The following RBFOX3 variants were observed in gnomAD, a reference collection of about 807,000 sequenced individuals.
The protein encoded by RBFOX3 is RNA binding protein fox-1 homolog 3.
RBFOX3 carries 17 observed loss-of-function variants against 48.7 expected under a neutral mutation model. The ratio of observed to expected loss-of-function variants is 0.35; its 90% CI spans 0.24 to 0.52. The LOEUF is 0.52. Among genes scored for constraint, RBFOX3 ranks in the 20% least tolerant of loss-of-function variants. RBFOX3 has a pLI of 0.94. For synonymous variants in RBFOX3, 212 were observed against 209.5 expected (o/e 1.01, Z -0.10); for missense variants, 382 against 497.5 (o/e 0.77, Z 2.21).
intron 3 of RBFOX3, among the ~76,000 whole-genome samples, chr17:79,287,502 C>T (rs1449671597): frequency 6.6e-6 from 1 of 152,200 alleles, no homozygotes; most frequent in African/African-American, 2.4e-5. Context: ...TGCTGCTGTC[C>T]AGGAGCTCCA....
At chr17:79,596,833 T>G (rs1374024094) in intron 1 of RBFOX3, among the ~76,000 whole-genome samples, 1 of 152,208 alleles carries the variant, frequency 6.6e-6, no homozygotes, top group Non-Finnish European at 1.5e-5. Context: ...GGAGGCTTTG[T>G]GGATGCTTCT....
intron 4 of RBFOX3, among the ~76,000 whole-genome samples, chr17:79,152,996 C>A (rs531180209): frequency 6.6e-6 from 1 of 152,318 alleles, no homozygotes; most frequent in East Asian, 1.9e-4. Flanking sequence ...GGCCCGCTGT[C>A]CAGATACCCC....
chr17:79,332,582 T>C (rs951564454), intron 2 of RBFOX3, among the ~76,000 whole-genome samples: 8 of 119,326 alleles, frequency 6.7e-5, no homozygotes, highest in African/African-American at 2.3e-4. Flanking sequence ...GACAGAAACA[T>C]AGAACCAGAG....
At chr17:79,318,670 C>T (rs8081193) in intron 2 of RBFOX3, among the ~76,000 whole-genome samples, 116,454 of 151,566 alleles carry the variant, frequency 0.77, 45,364 homozygotes, top group East Asian at 0.93. Flanking sequence ...CTGGCTAACA[C>T]GGCGAAACCC....
intron 2 of RBFOX3, among the ~76,000 whole-genome samples, chr17:79,441,780 G>A (rs2070968761): frequency 6.6e-6 from 1 of 152,178 alleles, no homozygotes; most frequent in African/African-American, 2.4e-5. Flanking sequence ...TGGGTCTTGG[G>A]TGGGAACACA....
intron 1 of RBFOX3, chr17:79,598,349 C>T (rs1246542575): frequency 6.6e-6 from 1 of 151,820 alleles, no homozygotes; most frequent in Non-Finnish European, 1.5e-5. Flanking sequence ...CATGCACACA[C>T]ATACATGCAC....
At chr17:79,277,299 G>GT (rs1259946059) in intron 3 of RBFOX3, among the ~76,000 whole-genome samples, 2 of 79,368 alleles carry the variant, frequency 2.5e-5, no homozygotes, top group Non-Finnish European at 5.2e-5. Context: ...TTCCAATGGT[G>GT]GGGAGGGGGG....
rs1404499649 is a variant in RBFOX3 at position 79,313,299 on chromosome 17, C to A, written c.-174-5475G>T. ...CTCCAGGGGCTTTCTTAGTGAAGTGCCAAAGATGGGATGGATGTCCTCACA... is the reference window on the plus strand; with the variant it reads ...CTCCAGGGGCTTTCTTAGTGAAGTGACAAAGATGGGATGGATGTCCTCACA... On this transcript the variant is annotated intron_variant, in intron 2 of 14. Coordinates refer to ENST00000693108, the MANE Select transcript of RBFOX3 (RefSeq NM_001350451.2). Among the ~76,000 whole-genome samples, 33 of 152,270 alleles carry A rather than the reference C, an allele frequency of 2.2e-4. 1 individual carries two copies. Among genetic ancestry groups the A allele is most frequent in the Middle Eastern group, 3.4e-3 (1 of 294 alleles).
At chr17:79,647,659 G>A in the RBFOX3 span, among the ~76,000 whole-genome samples, 1 of 152,140 alleles carries the variant, frequency 6.6e-6, no homozygotes, top group African/African-American at 2.4e-5. Flanking sequence ...GCCACACAGA[G>A]CACCCCAGCC....
intron 4 of RBFOX3, among the ~76,000 whole-genome samples, chr17:79,219,685 C>G (rs752569778): frequency 6.6e-6 from 1 of 152,130 alleles, no homozygotes; most frequent in Non-Finnish European, 1.5e-5. Context: ...GCAAGCTGCT[C>G]GTGTCTGGGC....
chr17:79,349,205 C>T (rs1004830194), intron 2 of RBFOX3, among the ~76,000 whole-genome samples: 1 of 152,026 alleles, frequency 6.6e-6, no homozygotes, highest in Non-Finnish European at 1.5e-5. Context: ...CACCGAGCAG[C>T]CAGACCTATC....
chr17:79,317,706 C>G (rs555452561), intron 2 of RBFOX3, among the ~76,000 whole-genome samples: 2 of 152,250 alleles, frequency 1.3e-5, no homozygotes, highest in South Asian at 4.1e-4. Flanking sequence ...AGCTGCTTTC[C>G]AGGTAACTAG....
intron 1 of RBFOX3, among the ~76,000 whole-genome samples, chr17:79,534,038 T>C (rs1555788110): frequency 6.6e-6 from 1 of 152,222 alleles, no homozygotes; most frequent in African/African-American, 2.4e-5. Context: ...CAACAGCATT[T>C]TTAAATGGCT....
chr17:79,522,787 A>G (rs2086282108), intron 1 of RBFOX3, among the ~76,000 whole-genome samples: 1 of 151,998 alleles, frequency 6.6e-6, no homozygotes, highest in Non-Finnish European at 1.5e-5. Flanking sequence ...AAAATTAGCC[A>G]GGCATGGTGG....
chr17:79,529,261 G>A (rs2150064799), intron 1 of RBFOX3, among the ~76,000 whole-genome samples: 1 of 152,342 alleles, frequency 6.6e-6, no homozygotes, highest in Middle Eastern at 3.4e-3. Context: ...ACAAGAGGCT[G>A]TAAAGCCCAG....
chr17:79,200,659 C>T (rs995417473), intron 4 of RBFOX3, among the ~76,000 whole-genome samples: 6 of 152,138 alleles, frequency 3.9e-5, no homozygotes, highest in Admixed American at 6.5e-5. Context: ...GGAGTTGAGA[C>T]GCCAGGAGAG....
In RBFOX3 at chr17:79,444,447, C is replaced by T. The variant is rs2071813946; in HGVS notation, c.-175+38007G>A. On this transcript the variant is annotated intron_variant, in intron 2 of 14. Coordinates refer to ENST00000693108, the MANE Select transcript of RBFOX3 (RefSeq NM_001350451.2). ...CACAGAGCAGATGGGCTGAGCAACA[C>T]CCCATGAAGTCTTGAGCCAGCCCAA... 2.0e-5 allele frequency among the ~76,000 whole-genome samples: 3 copies of T among 152,120 alleles called. No homozygotes were observed. The South Asian group carries it at 6.2e-4, about 32-fold the overall frequency.
intron 2 of RBFOX3, among the ~76,000 whole-genome samples, chr17:79,425,985 A>T (rs927069050): frequency 1.3e-5 from 2 of 152,098 alleles, no homozygotes; most frequent in Non-Finnish European, 2.9e-5. Flanking sequence ...GACCAGTGTA[A>T]CACTGGAGGA....
chr17:79,324,197 C>T (rs1010964506), intron 2 of RBFOX3, among the ~76,000 whole-genome samples: 4 of 152,182 alleles, frequency 2.6e-5, no homozygotes, highest in Non-Finnish European at 5.9e-5. Flanking sequence ...GAGTCACTTG[C>T]CAGCCTGCAA....
Sources: gnomAD v4.1 joint callset for allele counts (sites outside exome capture counted in the v4.1 genomes callset) on GRCh38, gnomAD v4.1.1 for gene constraint, MANE v1.5 for transcripts, NCBI Gene and HGNC (gene_info 2026-07-23, HGNC 2026-07-21) for gene names.